The following WSCD2 variants were observed in gnomAD, a reference collection of about 807,000 sequenced individuals.
WSCD2 encodes the protein sialate:O-sulfotransferase 2.
WSCD2 carries 28 observed loss-of-function variants against 55.7 expected under a neutral mutation model. The ratio of observed to expected loss-of-function variants is 0.50; its 90% CI spans 0.37 to 0.69. WSCD2 has a LOEUF of 0.69. Ranked by LOEUF, WSCD2 falls within the 30% of genes least tolerant of loss-of-function variation. The pLI is 0.00. For missense variants in WSCD2, 616 were observed against 762.1 expected, an observed-to-expected ratio of 0.81 and a Z score of 2.26; for synonymous variants, 301 against 301.9, an observed-to-expected ratio of 1.00 and a Z score of 0.03.
intron 1 of WSCD2, among the ~76,000 whole-genome samples, chr12:108,161,098 A>G (rs994468392): frequency 1.3e-5 from 2 of 152,238 alleles, no homozygotes; most frequent in Admixed American, 1.3e-4. Context: ...CACCACACAC[A>G]TGGTGTATGT....
At chr12:108,157,462 C>A (rs1180013689) in intron 1 of WSCD2, among the ~76,000 whole-genome samples, 1 of 152,188 alleles carries the variant, frequency 6.6e-6, no homozygotes, top group Non-Finnish European at 1.5e-5. Context: ...CCCCTAACTC[C>A]TCTGGGCCCC....
chr12:108,160,800 G>T (rs1265090465), intron 1 of WSCD2, among the ~76,000 whole-genome samples: 1 of 152,200 alleles, frequency 6.6e-6, no homozygotes, highest in African/African-American at 2.4e-5. Context: ...GCACACTCAG[G>T]ATTTCTCAAT....
chr12:108,146,135 G>A (rs548963396), intron 1 of WSCD2, among the ~76,000 whole-genome samples: 2 of 152,344 alleles, frequency 1.3e-5, no homozygotes, highest in African/African-American at 2.4e-5. Context: ...GCACATCATT[G>A]TACATGATGC....
intron 2 of WSCD2, among the ~76,000 whole-genome samples, chr12:108,204,916 G>C (rs1885139084): frequency 6.6e-6 from 1 of 152,228 alleles, no homozygotes; most frequent in South Asian, 2.1e-4. Context: ...CCAAAGAAGT[G>C]ATTAAGTGGC....
intron 1 of WSCD2, among the ~76,000 whole-genome samples, chr12:108,153,100 C>CACAAACAAACAA (rs1565920079): frequency 3.3e-5 from 2 of 61,532 alleles, no homozygotes; most frequent in South Asian, 8.5e-4. Flanking sequence ...GAGACTCTGT[C>CACAAACAAACAA]TCAAACAAAC....
At chr12:108,169,464 A>G (rs1331508146) in intron 1 of WSCD2, among the ~76,000 whole-genome samples, 1 of 152,106 alleles carries the variant, frequency 6.6e-6, no homozygotes, top group African/African-American at 2.4e-5. Flanking sequence ...TAGGCTGTCC[A>G]TGGGCCTTGA....
intron 1 of WSCD2, among the ~76,000 whole-genome samples, chr12:108,161,925 C>T (rs1879106162): frequency 6.6e-6 from 1 of 152,142 alleles, no homozygotes; most frequent in Non-Finnish European, 1.5e-5. Flanking sequence ...GAATGAGACC[C>T]CTCACATGCA....
At chr12:108,137,840 AT>A (rs1190311821) in intron 1 of WSCD2, among the ~76,000 whole-genome samples, 2 of 152,170 alleles carry the variant, frequency 1.3e-5, no homozygotes, top group Non-Finnish European at 2.9e-5. Flanking sequence ...GGAACTCTTC[AT>A]TTTTCACAAT....
chr12:108,213,091 T>C (rs188968631), intron 4 of WSCD2, among the ~76,000 whole-genome samples: 305 of 152,304 alleles, frequency 2.0e-3, no homozygotes, highest in African/African-American at 6.9e-3. Context: ...GGACCATTCA[T>C]TGAACCAAAA....
At chr12:108,207,311 TG>T (rs1312577360) in intron 3 of WSCD2, among the ~76,000 whole-genome samples, 6 of 152,130 alleles carry the variant, frequency 3.9e-5, no homozygotes, top group African/African-American at 1.4e-4. Flanking sequence ...GCTGCATGCC[TG>T]GTGTGGAAAT....
chr12:108,205,527 G>C (rs1885257252), intron 2 of WSCD2, among the ~76,000 whole-genome samples: 1 of 151,758 alleles, frequency 6.6e-6, no homozygotes, highest in Admixed American at 6.6e-5. Flanking sequence ...AAAACTAAGT[G>C]TATGATTTAT....
At chr12:108,198,429 C>T (rs1207697834) in intron 2 of WSCD2, among the ~76,000 whole-genome samples, 1 of 152,202 alleles carries the variant, frequency 6.6e-6, no homozygotes, top group Non-Finnish European at 1.5e-5. Flanking sequence ...TGATCAAATG[C>T]TCCTCCTCTA....
chr12:108,230,021 C>CTAATTT (rs1437606792), intron 6 of WSCD2, among the ~76,000 whole-genome samples: 2 of 152,148 alleles, frequency 1.3e-5, no homozygotes, highest in Non-Finnish European at 2.9e-5. Context: ...TCAATCCTTC[C>CTAATTT]TAATTTTTGG....
chr12:108,154,513 T>G (rs7298364), intron 1 of WSCD2, among the ~76,000 whole-genome samples: 1 of 152,014 alleles, frequency 6.6e-6, no homozygotes, highest in Non-Finnish European at 1.5e-5. Flanking sequence ...CTCCCCTTCT[T>G]AAGATTCCTA....
At chr12:108,244,705 G>T in intron 8 of WSCD2, 1 of 681,034 alleles carries the variant, frequency 1.5e-6, no homozygotes, top group Middle Eastern at 3.7e-4. Flanking sequence ...CAGTCTGACT[G>T]CAGAATCATC....
At chr12:108,212,730 A>C (rs56244647) in intron 4 of WSCD2, among the ~76,000 whole-genome samples, 14,522 of 152,024 alleles carry the variant, frequency 0.096, 1,433 homozygotes, top group African/African-American at 0.25. Context: ...GGCAGGAACA[A>C]TGCTGCACCC....
intron 7 of WSCD2, among the ~76,000 whole-genome samples, chr12:108,239,346 T>C (rs185808161): frequency 1.1e-3 from 162 of 152,316 alleles, no homozygotes; most frequent in Middle Eastern, 6.8e-3. Flanking sequence ...CCAGGAAACC[T>C]TTCTGGATGC....
intron 8 of WSCD2, among the ~76,000 whole-genome samples, chr12:108,247,051 A>G (rs1246004534): frequency 6.6e-6 from 1 of 152,226 alleles, no homozygotes; most frequent in Non-Finnish European, 1.5e-5. Context: ...GAGCTCCATT[A>G]TTATCCTGTG....
At chr12:108,185,868 G>A (rs1272299207) in intron 1 of WSCD2, among the ~76,000 whole-genome samples, 4 of 152,172 alleles carry the variant, frequency 2.6e-5, no homozygotes, top group African/African-American at 9.7e-5. Flanking sequence ...AGCAGCTCCT[G>A]GAGGAGAAGG....
Sources: gnomAD v4.1 joint callset for allele counts (sites outside exome capture counted in the v4.1 genomes callset) on GRCh38, gnomAD v4.1.1 for gene constraint, MANE v1.5 for transcripts, NCBI Gene and HGNC (gene_info 2026-07-23, HGNC 2026-07-21) for gene names.